The following CAMK2B variants were observed in gnomAD, a reference collection of about 807,000 sequenced individuals.
The protein encoded by CAMK2B is calcium/calmodulin dependent protein kinase II beta.
A neutral mutation model predicts 93.7 loss-of-function variants in CAMK2B; 27 were observed. The observed-to-expected ratio is 0.29, with a 90% confidence interval of 0.21 to 0.40. The LOEUF (loss-of-function observed/expected upper bound fraction) is 0.40, where lower values mean the gene tolerates loss of function less well. Among genes scored for constraint, CAMK2B ranks in the 10% least tolerant of loss-of-function variants. The pLI, the probability that CAMK2B is intolerant of heterozygous loss-of-function variation, is 1.00. For synonymous variants in CAMK2B, 374 were observed against 358.8 expected, an observed-to-expected ratio of 1.04 and a Z score of -0.48; for missense variants, 568 against 895.8, an observed-to-expected ratio of 0.63 and a Z score of 4.67.
At chr7:44,232,111 CT>C (rs1044421201) in intron 16 of CAMK2B, among the ~76,000 whole-genome samples, 8 of 152,238 alleles carry the variant, frequency 5.3e-5, no homozygotes, top group Non-Finnish European at 1.0e-4. Flanking sequence ...CTTGGACCCC[CT>C]GGTCCCTGCC....
intron 20 of CAMK2B, among the ~76,000 whole-genome samples, chr7:44,222,648 T>C (rs1266639079): frequency 2.0e-5 from 3 of 152,172 alleles, no homozygotes; most frequent in Non-Finnish European, 4.4e-5. Context: ...TTCACCATAT[T>C]GGCCAGGCTG....
chr7:44,250,930 A>G (rs1345892829), intron 5 of CAMK2B, among the ~76,000 whole-genome samples: 1 of 152,178 alleles, frequency 6.6e-6, no homozygotes, highest in Non-Finnish European at 1.5e-5. Context: ...TTTCCCCATC[A>G]ACTCCAAAAT....
At chr7:44,241,197 AG>A (rs2096674790) in intron 11 of CAMK2B, among the ~76,000 whole-genome samples, 1 of 152,108 alleles carries the variant, frequency 6.6e-6, no homozygotes, top group Admixed American at 6.5e-5. Context: ...CCACAAGTAG[AG>A]GGACTGCCAG....
intron 3 of CAMK2B, 95 bp downstream of exon 3, chr7:44,262,910 T>C (rs966516304): frequency 7.5e-6 from 8 of 1,068,560 alleles, no homozygotes; most frequent in Non-Finnish European, 1.1e-5. Context: ...GAAGTCTTTC[T>C]GCATCTCTTT....
intron 12 of CAMK2B, 27 bp downstream of exon 12, chr7:44,240,680 C>A: frequency 6.2e-7 from 1 of 1,613,088 alleles, no homozygotes; most frequent in Non-Finnish European, 8.5e-7. Flanking sequence ...GGGGCAGCGC[C>A]TGTCTCCCTG....
intron 1 of CAMK2B, among the ~76,000 whole-genome samples, chr7:44,297,157 C>T (rs1176184392): frequency 1.3e-5 from 2 of 152,128 alleles, no homozygotes; most frequent in Non-Finnish European, 2.9e-5. Context: ...ATTAGAAATA[C>T]TCTGCTATAA....
chr7:44,247,118 A>C lies in CAMK2B; in HGVS notation c.414+2T>G. ...CTGGCACAGAGTGGGGTGGGGACTC[A>C]CCTTGAGGTCTCTGTGGACGACCCC... On this transcript the variant is annotated splice_donor_variant, in intron 6 of 23. Transcript: ENST00000395749. LOFTEE classifies it high-confidence loss of function. The C allele has an allele frequency of 6.2e-7, 1 of 1,612,608 alleles. No individual in the cohort carries two copies. Among genetic ancestry groups the C allele is most frequent in the East Asian group, 2.2e-5 (1 of 44,846 alleles).
At chr7:44,219,766 G>C (rs1053003601) in intron 23 of CAMK2B, among the ~76,000 whole-genome samples, 1 of 152,222 alleles carries the variant, frequency 6.6e-6, no homozygotes, top group South Asian at 2.1e-4. Flanking sequence ...AACAGGGCAT[G>C]GTGCCCAGGA....
At chr7:44,269,260 G>A (rs35089892) in intron 2 of CAMK2B, among the ~76,000 whole-genome samples, 32,041 of 152,176 alleles carry the variant, frequency 0.21, 3,671 homozygotes, top group Non-Finnish European at 0.26. Flanking sequence ...TCCCAAAGGC[G>A]CACTTGTGCA....
rs2096549387 is a variant in CAMK2B, at chr7:44,228,918, C to T, written c.1346G>A (p.Arg449Lys). Residue 449 changes from arginine (R) to lysine (K), a missense_variant, in exon 19 of 24, where the codon AGG becomes AAG. Physicochemically the swap from Arg to Lys is conservative, Grantham distance 26 (BLOSUM62 2). Coordinates refer to ENST00000395749, the MANE Select transcript of CAMK2B (RefSeq NM_001220.5). ...PFSPLPAPSP[R>K]ISDILNSVRR... ...CACAGAGTTCAGGATGTCAGAGATC[C>T]TGGGGGCTGGGGTGGAACAGATGAG... 1 of 1,608,432 alleles carries T rather than the reference C, an allele frequency of 6.2e-7. No individual in the cohort carries two copies. The highest frequency in any genetic ancestry group is 1.3e-5 in the African/African-American group (1 of 74,798).
chr7:44,234,514 A>G (rs534147604), intron 14 of CAMK2B, 53 bp from the exon 15 acceptor site: 1 of 1,580,156 alleles, frequency 6.3e-7, no homozygotes, highest in African/African-American at 1.4e-5. Context: ...CTCACTCGCC[A>G]TTCCCTGTCC....
intron 1 of CAMK2B, among the ~76,000 whole-genome samples, chr7:44,314,947 A>T (rs960992433): frequency 2.0e-5 from 3 of 152,206 alleles, no homozygotes; most frequent in Non-Finnish European, 4.4e-5. Flanking sequence ...GTTAGGTAGT[A>T]AAAGTTCTTA....
In CAMK2B at chr7:44,312,538, G is replaced by A. The variant is rs569881607; in HGVS notation, c.65+12819C>T. On this transcript the variant is annotated intron_variant, in intron 1 of 23. Transcript: ENST00000395749. The surrounding 1 kb of genome is among the most constrained non-coding windows in gnomAD (Gnocchi z 4.1). The stretch of plus-strand genomic sequence containing the variant: ...AAAGAAACAGCCCCAGGTCCTTCCC[G>A]GGAGGGGCTGCCCCATAAAGTGAGG... Among the ~76,000 whole-genome samples the A allele has an allele frequency of 1.4e-4, 22 of 152,260 alleles. No individual in the cohort carries two copies. In the South Asian group the frequency reaches 3.1e-3, roughly 22 times the overall value.
At chr7:44,236,385 A>G (rs2128941803) in intron 13 of CAMK2B, among the ~76,000 whole-genome samples, 1 of 152,070 alleles carries the variant, frequency 6.6e-6, no homozygotes, top group East Asian at 1.9e-4. Flanking sequence ...ACTCTCAACA[A>G]TTTTGTATCC....
intron 11 of CAMK2B, among the ~76,000 whole-genome samples, chr7:44,241,205 CCAG>C (rs2096675034): frequency 6.6e-6 from 1 of 152,162 alleles, no homozygotes; most frequent in Non-Finnish European, 1.5e-5. Context: ...AGAGGGACTG[CCAG>C]TGTGCGGTCA....
At chr7:44,308,401 C>T (rs934918698) in intron 1 of CAMK2B, among the ~76,000 whole-genome samples, 13 of 152,044 alleles carry the variant, frequency 8.6e-5, no homozygotes, top group Admixed American at 2.0e-4. Flanking sequence ...TGTGTGGTGG[C>T]GCCCAGCATG....
chr7:44,279,582 G>A (rs372674967), intron 2 of CAMK2B, among the ~76,000 whole-genome samples: 1 of 152,182 alleles, frequency 6.6e-6, no homozygotes, highest in Non-Finnish European at 1.5e-5. Flanking sequence ...AGCTTGCATC[G>A]AATGAGTAAA....
At chr7:44,263,219 CT>C (rs1052917757) in intron 2 of CAMK2B, among the ~76,000 whole-genome samples, 155 bp from the exon 3 acceptor site, 65 of 152,342 alleles carry the variant, frequency 4.3e-4, no homozygotes, top group African/African-American at 1.5e-3. Flanking sequence ...GTGGCACCCC[CT>C]GGGCCACTGG....
intron 13 of CAMK2B, 29 bp downstream of exon 13, chr7:44,239,560 G>T (rs928647677): frequency 1.3e-6 from 2 of 1,530,292 alleles, no homozygotes; most frequent in East Asian, 2.5e-5. Flanking sequence ...GGGCGGGAGC[G>T]GGCGGGACGC....
Sources: allele counts gnomAD v4.1 joint callset (sites outside exome capture counted in the v4.1 genomes callset), GRCh38; gene constraint gnomAD v4.1.1; non-coding constraint Gnocchi (gnomAD v3.1); transcripts MANE v1.5; gene names NCBI Gene and HGNC (gene_info 2026-07-23, HGNC 2026-07-21).